The following PCDHGA7 variants were observed in gnomAD, a reference collection of about 807,000 sequenced individuals.
PCDHGA7 encodes protocadherin gamma subfamily A, 7.
In PCDHGA7, 44 loss-of-function variants were observed where a neutral mutation model predicts 58.3. The observed-to-expected ratio is 0.75, with a 90% CI of 0.59 to 0.97. The LOEUF (loss-of-function observed/expected upper bound fraction) is 0.97, where lower values mean the gene tolerates loss of function less well. Ranked by LOEUF, PCDHGA7 falls within the 50% of genes least tolerant of loss-of-function variation. The probability of loss-of-function intolerance (pLI) is 0.00; values close to 1 mark genes in which losing one functional copy is unlikely to be tolerated. For missense variants in PCDHGA7, 1,266 were observed against 1,188.7 expected (o/e 1.06, Z -0.96); for synonymous variants, 516 against 504.2 (o/e 1.02, Z -0.31).
At position 141,511,313 on chromosome 5, in the gene PCDHGA7, CAGAA is replaced by C; in HGVS notation, c.*142_*145del. The C allele has an allele frequency of 2.0e-6, 3 of 1,482,944 alleles. No homozygotes were observed. In the South Asian group the frequency reaches 4.1e-5, roughly 20 times the overall value. 91.9% of individuals were successfully genotyped at this position (1,482,944 alleles called of 1,614,324 possible). ...CCAAGGCCATGCTCCCCTTGGGAAA[CAGAA>C]ACAAGTGCCCAGTCAGCACCTACCC... On this transcript the variant is annotated 3_prime_UTR_variant, in exon 4 of 4. Transcript: ENST00000518325.
intron 1 of PCDHGA7, chr5:141,414,158 G>A (rs1167529832): frequency 6.2e-7 from 1 of 1,602,572 alleles, no homozygotes; most frequent in Non-Finnish European, 8.5e-7. Flanking sequence ...GCAGAAGATG[G>A]AGGAGCATAT....
chr5:141,426,086 G>A (rs751467304), intron 1 of PCDHGA7, among the ~76,000 whole-genome samples: 5 of 152,218 alleles, frequency 3.3e-5, no homozygotes, highest in Non-Finnish European at 7.3e-5. Context: ...CTACCAGGAC[G>A]ATATTCTGTT....
intron 1 of PCDHGA7, chr5:141,408,704 A>G: frequency 1.2e-6 from 2 of 1,613,236 alleles, no homozygotes; most frequent in Non-Finnish European, 1.7e-6. Context: ...AAACTCAATT[A>G]AAGATTATAA....
Position 141,384,940 on chromosome 5 carries a change from T to C in PCDHGA7, c.2041T>C (p.Ser681Pro). Residue 681 changes from serine to proline, a missense_variant, in exon 1 of 4, where the codon TCC becomes CCC. Ser to Pro is a moderately conservative substitution (Grantham distance 74, BLOSUM62 -1). Coordinates refer to ENST00000518325, the MANE Select transcript of PCDHGA7 (RefSeq NM_018920.4). ...GGCCGACCTGGGCAGCCTTGAGCCCTCCGACGGTCCTTACAACTATGACCT... is the reference window on the plus strand; with the variant it reads ...GGCCGACCTGGGCAGCCTTGAGCCCCCCGACGGTCCTTACAACTATGACCT... Reference protein sequence around the residue: ...VLADLGSLEPSDGPYNYDLTL... With the variant: ...VLADLGSLEPPDGPYNYDLTL... 6.2e-7 allele frequency: 1 copy of C among 1,613,942 alleles called. No individual in the cohort carries two copies. The highest frequency in any genetic ancestry group is 8.5e-7 in the Non-Finnish European group (1 of 1,179,994).
intron 1 of PCDHGA7, among the ~76,000 whole-genome samples, chr5:141,445,733 T>C (rs1031885468): frequency 6.6e-6 from 1 of 152,186 alleles, no homozygotes; most frequent in Non-Finnish European, 1.5e-5. Context: ...TGTGTAAAGA[T>C]CTTTTTAAAA....
intron 1 of PCDHGA7, chr5:141,399,349 C>G: frequency 6.2e-7 from 1 of 1,613,932 alleles, no homozygotes; most frequent in Non-Finnish European, 8.5e-7. Context: ...AACCCTAGAC[C>G]GAGAGCAAAC....
Position 141,384,890 on chromosome 5 carries a change from TG to T in PCDHGA7, c.1993del (p.Ala665LeufsTer41). 1 of 1,613,868 alleles carries T rather than the reference TG, an allele frequency of 6.2e-7. No homozygotes were observed. The highest frequency in any genetic ancestry group is 8.5e-7 in the Non-Finnish European group (1 of 1,179,992). On this transcript the variant is annotated frameshift_variant, in exon 1 of 4. Coordinates refer to ENST00000518325, the MANE Select transcript of PCDHGA7 (RefSeq NM_018920.4). LOFTEE classifies it high-confidence loss of function. ...LSATVTLTVA[V>X]ADSIPEVLAD... is the part of the protein sequence containing the mutation. The stretch of plus-strand genomic sequence containing the variant: ...GCCACCGTCACACTCACCGTGGCTG[TG>T]GCTGACAGCATCCCCGAAGTCTTGG...
chr5:141,441,768 T>C, intron 1 of PCDHGA7: 1 of 387,074 alleles, frequency 2.6e-6, no homozygotes. Context: ...CCTGCGCGTG[T>C]TGGTGGACGA....
In PCDHGA7 at chr5:141,388,840, C is replaced by A. The variant is rs764876092; in HGVS notation, c.2424+3517C>A. The stretch of plus-strand genomic sequence containing the variant: ...AAAGAATATTCCATAGTTTTGGAAG[C>A]AAGGGACGGTGGAGGAATGATTGCG... On this transcript the variant is annotated intron_variant, in intron 1 of 3. Coordinates refer to ENST00000518325, the MANE Select transcript of PCDHGA7 (RefSeq NM_018920.4). 4 of 1,613,900 alleles carry A rather than the reference C, an allele frequency of 2.5e-6. No homozygotes were observed. The South Asian group carries it at 4.4e-5, about 18-fold the overall frequency.
chr5:141,402,850 T>C (rs1447900346), intron 1 of PCDHGA7: 7 of 1,417,624 alleles, frequency 4.9e-6, no homozygotes, highest in Non-Finnish European at 6.5e-6. Context: ...TCAGCCTCTT[T>C]CTTCTAAGGA....
chr5:141,413,600 T>C lies in PCDHGA7; in HGVS notation c.2424+28277T>C, dbSNP rs767830855. The C allele has an allele frequency of 3.7e-6, 6 of 1,613,868 alleles. No individual in the cohort carries two copies. The Admixed American group carries it at 8.3e-5, about 22-fold the overall frequency. Reference sequence around the variant, plus strand: ...GCTCCAAAATTCCAAGCAGAAAATCTAGACGTAAAAATTAATGAAAATGTC... The same window carrying C: ...GCTCCAAAATTCCAAGCAGAAAATCCAGACGTAAAAATTAATGAAAATGTC... On this transcript the variant is annotated intron_variant, in intron 1 of 3. Transcript: ENST00000518325.
At chr5:141,394,948 T>C (rs753376472) in intron 1 of PCDHGA7, 1 of 1,613,884 alleles carries the variant, frequency 6.2e-7, no homozygotes, top group Admixed American at 1.7e-5. Context: ...GCTGTGCTTC[T>C]GGGGCTCAGG....
rs147057088 is a variant in PCDHGA7 at position 141,432,065 on chromosome 5, A to C, written c.2424+46742A>C. 6.2e-7 allele frequency: 1 copy of C among 1,613,930 alleles called. No individual in the cohort carries two copies. Among genetic ancestry groups the C allele is most frequent in the Non-Finnish European group, 8.5e-7 (1 of 1,180,014 alleles). On this transcript the variant is annotated intron_variant, in intron 1 of 3. Coordinates refer to ENST00000518325, the MANE Select transcript of PCDHGA7 (RefSeq NM_018920.4). This position sits in a 1 kb window ranked among gnomAD's most constrained non-coding sequence, Gnocchi z 6.0. ...GGGAACCCCGCCCCTATCCACGGAA[A>C]CTCATATCTCGCTGAACGTGGCAGA...
At chr5:141,478,468 C>A (rs2099457906) in intron 1 of PCDHGA7, 2 of 1,613,800 alleles carry the variant, frequency 1.2e-6, no homozygotes, top group Admixed American at 1.7e-5. Flanking sequence ...CACTGGCCAG[C>A]CGCCAGAACA....
At chr5:141,409,747 C>A in intron 1 of PCDHGA7, 3 of 1,612,994 alleles carry the variant, frequency 1.9e-6, no homozygotes, top group South Asian at 1.1e-5. Flanking sequence ...GGGTGGTGTT[C>A]GCGCAGCGCG....
Position 141,489,493 on chromosome 5 carries a change from G to A in PCDHGA7, c.2425-5314G>A, listed in dbSNP as rs1485293604. ...CCTGAGCTTGATGAGTGGTGCCCTG[G>A]CAGTGAATCAAAAGATTGACCGAGA... On this transcript the variant is annotated intron_variant, in intron 1 of 3. Coordinates refer to ENST00000518325, the MANE Select transcript of PCDHGA7 (RefSeq NM_018920.4). The surrounding 1 kb of genome is among the most constrained non-coding windows in gnomAD (Gnocchi z 4.5). The A allele has an allele frequency of 1.2e-6, 2 of 1,613,960 alleles. No homozygotes were observed. Among genetic ancestry groups the A allele is most frequent in the Non-Finnish European group, 1.7e-6 (2 of 1,180,038 alleles).
intron 1 of PCDHGA7, chr5:141,411,443 G>A (rs780563062): frequency 6.6e-6 from 1 of 151,948 alleles, no homozygotes; most frequent in African/African-American, 2.4e-5. Context: ...CATTAGCAGA[G>A]TGTGGTAGCA....
Position 141,489,343 on chromosome 5 carries a change from G to A in PCDHGA7, c.2425-5464G>A, listed in dbSNP as rs377697321. On this transcript the variant is annotated intron_variant, in intron 1 of 3. Coordinates refer to ENST00000518325, the MANE Select transcript of PCDHGA7 (RefSeq NM_018920.4). This position sits in a 1 kb window ranked among gnomAD's most constrained non-coding sequence, Gnocchi z 4.5. ...GGTGTCTGGGCAGCTTCGTTACTCA[G>A]TGGTGGAGGAGTCTGAGCCGGGGAC... The A allele has an allele frequency of 5.6e-6, 9 of 1,611,264 alleles. No individual in the cohort carries two copies. Among genetic ancestry groups the A allele is most frequent in the Non-Finnish European group, 7.6e-6 (9 of 1,178,202 alleles).
At chr5:141,399,291 T>A in intron 1 of PCDHGA7, 1 of 1,613,954 alleles carries the variant, frequency 6.2e-7, no homozygotes, top group East Asian at 2.2e-5. Context: ...AAGTCCCTTT[T>A]AAGATTATCT....
Sources: allele counts gnomAD v4.1 joint callset (sites outside exome capture counted in the v4.1 genomes callset), GRCh38; gene constraint gnomAD v4.1.1; non-coding constraint Gnocchi (gnomAD v3.1); transcripts MANE v1.5; gene names NCBI Gene and HGNC (gene_info 2026-07-23, HGNC 2026-07-21).